The following NFIL3 variants were observed in gnomAD, a reference collection of about 807,000 sequenced individuals.
NFIL3 encodes nuclear factor interleukin-3-regulated protein.
Under a neutral mutation model 10.0 loss-of-function variants are expected in NFIL3, and 5 were observed. The ratio of observed to expected loss-of-function variants is 0.50; its 90% CI spans 0.26 to 1.06. The LOEUF is 1.06. Ranked by LOEUF, NFIL3 falls within the 50% of genes least tolerant of loss-of-function variation. NFIL3 has a pLI of 0.13. For missense variants in NFIL3, 436 were observed against 547.6 expected, an observed-to-expected ratio of 0.80 and a Z score of 2.03; for synonymous variants, 202 against 206.5, an observed-to-expected ratio of 0.98 and a Z score of 0.19.
chr9:91,409,801 C>A lies in NFIL3; in HGVS notation c.934G>T (p.Val312Leu). ...GAATTCACTTCTGGAACTTTAACCA[C>A]AGTTGCATGCACATGCTTGAGTTCA... ...PVELKHVHAT[V>L]VKVPEVNSSA... Residue 312 changes from valine (V) to leucine (L), a missense_variant, in exon 2 of 2, where the codon GTG becomes TTG. Coordinates refer to ENST00000297689, the MANE Select transcript of NFIL3 (RefSeq NM_005384.3). 6.2e-7 allele frequency: 1 copy of A among 1,614,156 alleles called. No individual in the cohort carries two copies. The highest frequency in any genetic ancestry group is 8.5e-7 in the Non-Finnish European group (1 of 1,180,032).
chr9:91,447,237 A>G, the NFIL3 span, among the ~76,000 whole-genome samples: 1 of 152,200 alleles, frequency 6.6e-6, no homozygotes, highest in Non-Finnish European at 1.5e-5. Context: ...CTGTTGATGG[A>G]TACATGGGTA....
chr9:91,425,447 G>C (rs927881633), upstream of NFIL3, among the ~76,000 whole-genome samples: 1 of 152,148 alleles, frequency 6.6e-6, no homozygotes, highest in Non-Finnish European at 1.5e-5. Context: ...TCTTGTTCGT[G>C]ATTTATCTGG....
the NFIL3 span, among the ~76,000 whole-genome samples, chr9:91,447,640 A>C: frequency 6.6e-6 from 1 of 152,200 alleles, no homozygotes; most frequent in African/African-American, 2.4e-5. Context: ...TCTTCTTTGG[A>C]GAAATATTTA....
rs1401821645 is a variant in NFIL3, at chr9:91,409,920, G to A, written c.815C>T (p.Pro272Leu). The A allele has an allele frequency of 2.5e-6, 4 of 1,613,864 alleles. No homozygotes were observed. The highest frequency in any genetic ancestry group is 2.5e-6 in the Non-Finnish European group (3 of 1,180,010). ...ACCATCATCAGTTTCCGACGTTCTC[G>A]GGGAGTTGCTGGAGGATCGGTTGAC... is the stretch of plus-strand genomic sequence containing the variant. Reference protein sequence around the residue: ...LQVNRSSSNSPRTSETDDGVV... With the variant: ...LQVNRSSSNSLRTSETDDGVV... Residue 272 changes from proline (P) to leucine (L), a missense_variant, in exon 2 of 2, where the codon CCG (proline) becomes CTG (leucine). By Grantham distance (98) the Pro-to-Leu change is moderately conservative. Coordinates refer to ENST00000297689, the MANE Select transcript of NFIL3 (RefSeq NM_005384.3).
At chr9:91,413,692 T>A (rs987074841) in intron 1 of NFIL3, among the ~76,000 whole-genome samples, 5 of 152,226 alleles carry the variant, frequency 3.3e-5, no homozygotes, top group Non-Finnish European at 7.3e-5. Context: ...TAAAGTAAAA[T>A]GAGTGGAGAA....
At chr9:91,421,693 C>T (rs931048819) in intron 1 of NFIL3, among the ~76,000 whole-genome samples, 3 of 152,150 alleles carry the variant, frequency 2.0e-5, no homozygotes, top group African/African-American at 4.8e-5. Context: ...GACTCCCACC[C>T]GAGCTCGCAA....
At chr9:91,446,178 G>A in the NFIL3 span, among the ~76,000 whole-genome samples, 1 of 152,142 alleles carries the variant, frequency 6.6e-6, no homozygotes, top group Non-Finnish European at 1.5e-5. Flanking sequence ...CAGTGGTGAT[G>A]GGGGTTTCAG....
At chr9:91,475,758 A>G in the NFIL3 span, among the ~76,000 whole-genome samples, 1 of 152,372 alleles carries the variant, frequency 6.6e-6, no homozygotes, top group African/African-American at 2.4e-5. Context: ...TCAAGATACG[A>G]GGAAGTTTTA....
At chr9:91,421,408 G>C (rs1036801417) in intron 1 of NFIL3, among the ~76,000 whole-genome samples, 11 of 152,024 alleles carry the variant, frequency 7.2e-5, no homozygotes, top group African/African-American at 2.7e-4. Context: ...GCGGGGCCTC[G>C]GCGCCGCGAG....
At chr9:91,459,005 T>G in the NFIL3 span, among the ~76,000 whole-genome samples, 1 of 152,192 alleles carries the variant, frequency 6.6e-6, no homozygotes, top group African/African-American at 2.4e-5. Context: ...CTTATTTGCA[T>G]AAGGTGCGAA....
At chr9:91,425,370 A>T (rs1039261709), upstream of NFIL3, among the ~76,000 whole-genome samples, 7 of 152,148 alleles carry the variant, frequency 4.6e-5, no homozygotes, top group African/African-American at 9.7e-5. Context: ...TATTTAAAAA[A>T]TTTTTATCAC....
At chr9:91,420,540 AG>A (rs1833743125) in intron 1 of NFIL3, among the ~76,000 whole-genome samples, 1 of 152,162 alleles carries the variant, frequency 6.6e-6, no homozygotes, top group African/African-American at 2.4e-5. Context: ...CCTGGGACCC[AG>A]GGTTCTTGTG....
intron 1 of NFIL3, among the ~76,000 whole-genome samples, chr9:91,423,372 G>T (rs1000230410): frequency 2.0e-5 from 3 of 152,116 alleles, no homozygotes; most frequent in Non-Finnish European, 4.4e-5. Context: ...AACAGCAGCG[G>T]GGGGAGAGCG....
the NFIL3 span, among the ~76,000 whole-genome samples, chr9:91,469,642 A>G: frequency 6.6e-6 from 1 of 152,164 alleles, no homozygotes; most frequent in Non-Finnish European, 1.5e-5. Flanking sequence ...GTTTTTGCGC[A>G]TTCAGTATGC....
At chr9:91,449,833 G>A in the NFIL3 span, among the ~76,000 whole-genome samples, 1 of 151,984 alleles carries the variant, frequency 6.6e-6, no homozygotes. Flanking sequence ...TCTGGTCCTG[G>A]ATTTTTCTTT....
the NFIL3 span, among the ~76,000 whole-genome samples, chr9:91,459,915 A>G: frequency 2.0e-4 from 30 of 152,308 alleles, no homozygotes; most frequent in African/African-American, 6.0e-4. Context: ...CCTTAGGCAA[A>G]GGCACACTGA....
chr9:91,476,062 C>T, the NFIL3 span, among the ~76,000 whole-genome samples: 3 of 152,202 alleles, frequency 2.0e-5, no homozygotes, highest in African/African-American at 4.8e-5. Context: ...GGCTAGGAGA[C>T]TTGCACAAGT....
the NFIL3 span, among the ~76,000 whole-genome samples, chr9:91,447,111 C>T: frequency 1.1e-4 from 17 of 152,228 alleles, no homozygotes; most frequent in African/African-American, 3.4e-4. Context: ...CCACTGCGCC[C>T]GGCCCTGATG....
intron 1 of NFIL3, among the ~76,000 whole-genome samples, chr9:91,421,037 T>C (rs1833753699): frequency 6.6e-6 from 1 of 152,172 alleles, no homozygotes; most frequent in Non-Finnish European, 1.5e-5. Flanking sequence ...TCTTAAGGTC[T>C]TTTTCACTTC....
Sources: gnomAD v4.1 joint callset for allele counts (sites outside exome capture counted in the v4.1 genomes callset) on GRCh38, gnomAD v4.1.1 for gene constraint, MANE v1.5 for transcripts, NCBI Gene and HGNC (gene_info 2026-07-23, HGNC 2026-07-21) for gene names.